The following CAP2 variants were observed in gnomAD, a reference collection of about 807,000 sequenced individuals.
CAP2 encodes the protein cyclase associated actin cytoskeleton regulatory protein 2.
In CAP2, 24 loss-of-function variants were observed where a neutral mutation model predicts 57.7. The observed-to-expected ratio is 0.42, with a 90% CI of 0.30 to 0.58. The LOEUF (loss-of-function observed/expected upper bound fraction) is 0.58, where lower values mean the gene tolerates loss of function less well. Among genes scored for constraint, CAP2 ranks in the 20% least tolerant of loss-of-function variants. The pLI, the probability that CAP2 is intolerant of heterozygous loss-of-function variation, is 0.22. For missense variants in CAP2, 501 were observed against 590.3 expected (o/e 0.85, Z 1.57); for synonymous variants, 194 against 207.2 (o/e 0.94, Z 0.55).
At chr6:17,522,519 A>G (rs1296027321) in intron 7 of CAP2, among the ~76,000 whole-genome samples, 2 of 152,254 alleles carry the variant, frequency 1.3e-5, no homozygotes, top group African/African-American at 4.8e-5. Flanking sequence ...AAGAGCCACA[A>G]AAGGGCTGAC....
intron 4 of CAP2, among the ~76,000 whole-genome samples, chr6:17,463,625 G>A (rs1263124291): frequency 1.3e-5 from 2 of 152,084 alleles, no homozygotes; most frequent in Non-Finnish European, 2.9e-5. Context: ...GGTCGTCTAC[G>A]GAGCTTCATT....
chr6:17,554,548 G>T (rs552947669), intron 12 of CAP2, among the ~76,000 whole-genome samples: 1 of 152,238 alleles, frequency 6.6e-6, no homozygotes, highest in Non-Finnish European at 1.5e-5. Flanking sequence ...GTCAGCCACC[G>T]TGCCTGGCCC....
chr6:17,539,564 C>A, intron 8 of CAP2, 106 bp downstream of exon 8: 2 of 810,576 alleles, frequency 2.5e-6, no homozygotes, highest in Non-Finnish European at 3.9e-6. Flanking sequence ...CCATCCCTGC[C>A]TCCAGCATGC....
chr6:17,446,941 A>G (rs1344387698), intron 3 of CAP2, among the ~76,000 whole-genome samples: 1 of 152,224 alleles, frequency 6.6e-6, no homozygotes, highest in African/African-American at 2.4e-5. Context: ...AGCACCTTTC[A>G]TGGTTGAGCG....
At chr6:17,401,537 C>T (rs1758816817) in intron 1 of CAP2, among the ~76,000 whole-genome samples, 1 of 152,186 alleles carries the variant, frequency 6.6e-6, no homozygotes, top group African/African-American at 2.4e-5. Context: ...CACCCCTCTC[C>T]AGTGGCAGGA....
Position 17,511,745 on chromosome 6 carries a change from C to T in CAP2, c.531-2104C>T, listed in dbSNP as rs143037979. Reference sequence around the variant, plus strand: ...CTGAGATTATAGGCGTAAGCCACCCCGCCCGGCCTGGTTCTTTCAATATAT... The same window carrying T: ...CTGAGATTATAGGCGTAAGCCACCCTGCCCGGCCTGGTTCTTTCAATATAT... On this transcript the variant is annotated intron_variant, in intron 6 of 12. Coordinates refer to ENST00000229922, the MANE Select transcript of CAP2 (RefSeq NM_006366.3). 2.3e-3 allele frequency among the ~76,000 whole-genome samples: 357 copies of T among 152,268 alleles called. 1 individual carries two copies. The highest frequency in any genetic ancestry group is 7.4e-3 in the African/African-American group (308 of 41,538).
At chr6:17,472,842 G>A (rs1238386084) in intron 4 of CAP2, among the ~76,000 whole-genome samples, 2 of 152,218 alleles carry the variant, frequency 1.3e-5, no homozygotes, top group African/African-American at 4.8e-5. Flanking sequence ...GATGCAGAGA[G>A]GGAGGTAATC....
chr6:17,554,889 T>G (rs1316954371), intron 12 of CAP2, among the ~76,000 whole-genome samples: 1 of 152,240 alleles, frequency 6.6e-6, no homozygotes, highest in Non-Finnish European at 1.5e-5. Flanking sequence ...GAGTGTTGAC[T>G]TAGACTACTT....
intron 11 of CAP2, among the ~76,000 whole-genome samples, chr6:17,545,676 T>C (rs978638406): frequency 2.6e-5 from 4 of 152,180 alleles, no homozygotes; most frequent in Admixed American, 1.3e-4. Flanking sequence ...TAGGTATATC[T>C]CCTAATGCTA....
chr6:17,451,465 A>G (rs113423585), intron 3 of CAP2, among the ~76,000 whole-genome samples: 2 of 151,808 alleles, frequency 1.3e-5, no homozygotes, highest in African/African-American at 2.4e-5. Context: ...GTTTCCCCTG[A>G]TTTATATCTA....
intron 6 of CAP2, among the ~76,000 whole-genome samples, chr6:17,508,506 G>A (rs1259819429): frequency 2.0e-5 from 3 of 152,170 alleles, no homozygotes; most frequent in Non-Finnish European, 2.9e-5. Flanking sequence ...CTGGCTAAAT[G>A]TGATGTGGCT....
intron 4 of CAP2, among the ~76,000 whole-genome samples, chr6:17,497,134 T>A (rs1561805118): frequency 6.6e-6 from 1 of 152,246 alleles, no homozygotes. Context: ...TTCAAAGAAC[T>A]AATTTCTGAT....
rs527725408 is a variant in CAP2, at chr6:17,556,695, G to GA, written c.*264dup. 10,202 of 348,376 alleles carry GA rather than the reference G, an allele frequency of 0.029. 38 individuals are homozygous for GA. The highest frequency in any genetic ancestry group is 0.049 in the African/African-American group (2,240 of 45,662). 21.6% of individuals were successfully genotyped at this position (348,376 alleles called of 1,614,324 possible). On this transcript the variant is annotated 3_prime_UTR_variant, in exon 13 of 13. Coordinates refer to ENST00000229922, the MANE Select transcript of CAP2 (RefSeq NM_006366.3). The stretch of plus-strand genomic sequence containing the variant: ...ACTTGTGAACATTAGGGATTTAAAG[G>GA]AAAAAAAAAAAGAATTCTGTTCCCC...
chr6:17,449,064 C>T (rs145644207), intron 3 of CAP2, among the ~76,000 whole-genome samples: 4 of 152,188 alleles, frequency 2.6e-5, no homozygotes, highest in East Asian at 3.9e-4. Context: ...GCCCGGCCTA[C>T]GTCATCATTT....
Position 17,496,033 on chromosome 6 carries a change from G to GGGGC in CAP2, c.301-11133_301-11132insCGGG, listed in dbSNP as rs1581568755. Among the ~76,000 whole-genome samples the GGGGC allele has an allele frequency of 4.7e-5, 6 of 126,842 alleles. No homozygotes were observed. In the East Asian group the frequency reaches 7.6e-4, roughly 16 times the overall value. 83.2% of individuals were successfully genotyped at this position (126,842 alleles called of 152,430 possible). A position where few individuals can be genotyped will look rare whatever the true frequency, so the allele number is the denominator to read the frequency against. On this transcript the variant is annotated intron_variant, in intron 4 of 12. Coordinates refer to ENST00000229922, the MANE Select transcript of CAP2 (RefSeq NM_006366.3). ...CTGTGCATGCGTGTGTGGGTGGGGG[G>GGGGC]GGGGGGTAAGTCAGGGAAAACAGGC...
At chr6:17,498,942 G>A (rs914176082) in intron 4 of CAP2, among the ~76,000 whole-genome samples, 1 of 151,618 alleles carries the variant, frequency 6.6e-6, no homozygotes, top group African/African-American at 2.4e-5. Context: ...TGTTAGCCAG[G>A]ATGGTCTCAA....
At chr6:17,436,111 T>TTCCTTCCTTCCTTCCTTCCC in intron 3 of CAP2, among the ~76,000 whole-genome samples, 1 of 151,160 alleles carries the variant, frequency 6.6e-6, no homozygotes, top group East Asian at 1.9e-4. Flanking sequence ...CCTTCCTTCC[T>TTCCTTCCTTCCTTCCTTCCC]TCCTTCCTTC....
At chr6:17,541,214 A>T in intron 9 of CAP2, 66 bp downstream of exon 9, 1 of 1,240,276 alleles carries the variant, frequency 8.1e-7, no homozygotes, top group Non-Finnish European at 1.1e-6. Context: ...CAGCCAAACC[A>T]TTTACCAAGA....
chr6:17,555,608 G>T (rs1763282843), intron 12 of CAP2, among the ~76,000 whole-genome samples: 1 of 151,446 alleles, frequency 6.6e-6, no homozygotes, highest in Non-Finnish European at 1.5e-5. Flanking sequence ...TTGTTGCCCA[G>T]GCTGGAGTCC....
Sources: gnomAD v4.1 joint callset for allele counts (sites outside exome capture counted in the v4.1 genomes callset) on GRCh38, gnomAD v4.1.1 for gene constraint, MANE v1.5 for transcripts, NCBI Gene and HGNC (gene_info 2026-07-23, HGNC 2026-07-21) for gene names.